The following CPNE5 variants were observed in gnomAD, a reference collection of about 807,000 sequenced individuals.
The protein encoded by CPNE5 is copine 5, also known as copine-5.
A neutral mutation model predicts 81.1 loss-of-function variants in CPNE5; 42 were observed. That is an observed-to-expected ratio of 0.52 (90% CI 0.40 to 0.67). CPNE5 has a LOEUF of 0.67. CPNE5 is among the 30% of genes least tolerant of loss of function. The pLI is 0.00. For synonymous variants in CPNE5, 313 were observed against 321.5 expected (o/e 0.97, Z 0.28); for missense variants, 612 against 815.5 (o/e 0.75, Z 3.04).
Position 36,804,563 on chromosome 6 carries a change from C to T in CPNE5, c.184-4493G>A, listed in dbSNP as rs540780310. On this transcript the variant is annotated intron_variant, in intron 3 of 20. Coordinates refer to ENST00000244751, the MANE Select transcript of CPNE5 (RefSeq NM_020939.2). ...CTTCCTTTCTCTCACTACACTTGCCCTCCTCCTTCAACAACCTCACAGCAT... is the reference window on the plus strand; with the variant it reads ...CTTCCTTTCTCTCACTACACTTGCCTTCCTCCTTCAACAACCTCACAGCAT... Among the ~76,000 whole-genome samples, 3 of 152,256 alleles carry T rather than the reference C, an allele frequency of 2.0e-5. No individual in the cohort carries two copies. In the East Asian group the frequency reaches 5.8e-4, roughly 29 times the overall value.
rs28673271 is a variant in CPNE5 at position 36,823,444 on chromosome 6, C to G, written c.96-346G>C. ...GTCTTAGCCCTTTCTAGAAGCTCTCCTTTAATCACTTCTCTGCTTCTCAAA... is the reference window on the plus strand; with the variant it reads ...GTCTTAGCCCTTTCTAGAAGCTCTCGTTTAATCACTTCTCTGCTTCTCAAA... On this transcript the variant is annotated intron_variant, in intron 1 of 20. Coordinates refer to ENST00000244751, the MANE Select transcript of CPNE5 (RefSeq NM_020939.2). Among the ~76,000 whole-genome samples, 5 of 151,672 alleles carry G rather than the reference C, an allele frequency of 3.3e-5. No homozygotes were observed. In the South Asian group the frequency reaches 8.3e-4, roughly 25 times the overall value.
At chr6:36,776,102 C>T (rs1478199987) in intron 9 of CPNE5, among the ~76,000 whole-genome samples, 2 of 152,190 alleles carry the variant, frequency 1.3e-5, no homozygotes, top group Non-Finnish European at 2.9e-5. Flanking sequence ...CTGCCCATGC[C>T]CCACGCCATG....
intron 2 of CPNE5, 45 bp downstream of exon 2, chr6:36,823,013 C>G: frequency 2.7e-6 from 4 of 1,493,716 alleles, no homozygotes; most frequent in East Asian, 2.5e-5. Flanking sequence ...TTAGTCATAG[C>G]GTTGCCGCTA....
chr6:36,760,767 G>A (rs1765946941), intron 12 of CPNE5, among the ~76,000 whole-genome samples: 1 of 152,208 alleles, frequency 6.6e-6, no homozygotes, highest in Non-Finnish European at 1.5e-5. Flanking sequence ...TGAGCTACAG[G>A]AAGGGCCAGC....
At chr6:36,750,990 G>C (rs1393227399) in intron 14 of CPNE5, among the ~76,000 whole-genome samples, 3 of 152,222 alleles carry the variant, frequency 2.0e-5, no homozygotes, top group Non-Finnish European at 4.4e-5. Flanking sequence ...TGAGCAACCA[G>C]CTCCTCCTCT....
rs1325379952 is a variant in CPNE5 at position 36,785,362 on chromosome 6, AT to A, written c.529-6406del. On this transcript the variant is annotated intron_variant, in intron 8 of 20. Transcript: ENST00000244751. ...GGCTCAAAATTTCGGTCATCAAAAAATTTTTTTTAATGTGACATTTAAAAAA... is the reference window on the plus strand; with the variant it reads ...GGCTCAAAATTTCGGTCATCAAAAAATTTTTTTAATGTGACATTTAAAAAA... 5.9e-5 allele frequency among the ~76,000 whole-genome samples: 9 copies of A among 152,348 alleles called. No individual in the cohort carries two copies. In the South Asian group the frequency reaches 1.2e-3, roughly 21 times the overall value.
chr6:36,796,790 A>G (rs983678899), intron 6 of CPNE5, among the ~76,000 whole-genome samples: 1 of 152,210 alleles, frequency 6.6e-6, no homozygotes, highest in Admixed American at 6.5e-5. Flanking sequence ...CTAGGAACCC[A>G]GAGATGAGAC....
At chr6:36,748,406 C>G in intron 14 of CPNE5, 139 bp from the exon 15 acceptor site, 1 of 742,110 alleles carries the variant, frequency 1.3e-6, no homozygotes, top group Admixed American at 2.0e-5. Flanking sequence ...TCATCTCTTT[C>G]TAGTTCTGGA....
Position 36,746,295 on chromosome 6 carries a change from A to C in CPNE5, c.1200+101T>G. On this transcript the variant is annotated intron_variant, in intron 16 of 20. Coordinates refer to ENST00000244751, the MANE Select transcript of CPNE5 (RefSeq NM_020939.2). The surrounding 1 kb of genome is among the most constrained non-coding windows in gnomAD (Gnocchi z 4.5). Reference sequence around the variant, plus strand: ...TCTACCTCCACTGAGGCTGAGCCTTAAGTCCCCGGGCTCAGAGGAAGGGAA... The same window carrying C: ...TCTACCTCCACTGAGGCTGAGCCTTCAGTCCCCGGGCTCAGAGGAAGGGAA... 2.7e-6 allele frequency: 4 copies of C among 1,464,826 alleles called. No individual in the cohort carries two copies. Among genetic ancestry groups the C allele is most frequent in the Non-Finnish European group, 2.7e-6 (3 of 1,103,864 alleles). 90.7% of individuals were successfully genotyped at this position (1,464,826 alleles called of 1,614,324 possible).
At chr6:36,805,216 G>A (rs1410365894) in intron 3 of CPNE5, among the ~76,000 whole-genome samples, 1 of 152,222 alleles carries the variant, frequency 6.6e-6, no homozygotes, top group Admixed American at 6.5e-5. Context: ...TAGCACCCGA[G>A]CACTGGGAAC....
chr6:36,742,369 G>C lies in CPNE5; in HGVS notation c.1681C>G (p.Gln561Glu). 3 of 1,613,628 alleles carry C rather than the reference G, an allele frequency of 1.9e-6. No homozygotes were observed. The highest frequency in any genetic ancestry group is 2.5e-6 in the Non-Finnish European group (3 of 1,179,984). ...GGTGGGGGACGCGGGCGAATGCCCT[G>C]TGCCTTCATGTAGGACACCAGTTGG... The part of the protein sequence containing the change: ...PDQLVSYMKA[Q>E]GIRPRPPPAA... The change falls in exon 21 of 21, where the codon CAG becomes GAG. Residue 561 changes from glutamine to glutamate, a missense_variant. Transcript: ENST00000244751.
Position 36,794,862 on chromosome 6 carries a change from C to T in CPNE5, c.405-213G>A, listed in dbSNP as rs528120340. 1.2e-4 allele frequency among the ~76,000 whole-genome samples: 19 copies of T among 152,330 alleles called. No individual in the cohort carries two copies. In the East Asian group the frequency reaches 3.3e-3, roughly 26 times the overall value. On this transcript the variant is annotated intron_variant, in intron 6 of 20. Transcript: ENST00000244751. ...TCTCAAGGTGGGATGCCCAGACCAG[C>T]AGCACCAGCATGTCCTGGGAATGTT...
chr6:36,793,928 C>T (rs538927124), intron 7 of CPNE5, among the ~76,000 whole-genome samples: 2 of 152,118 alleles, frequency 1.3e-5, no homozygotes, highest in Non-Finnish European at 2.9e-5. Flanking sequence ...GGCGAGTGGG[C>T]GTGAGAAAGA....
At chr6:36,779,368 C>G (rs781129748) in intron 8 of CPNE5, among the ~76,000 whole-genome samples, 1 of 152,318 alleles carries the variant, frequency 6.6e-6, no homozygotes, top group East Asian at 1.9e-4. Context: ...TGTGAACACA[C>G]GTGGTTTCAT....
rs1329142279 is a variant in CPNE5 at position 36,778,890 on chromosome 6, G to T, written c.596C>A (p.Pro199His). 1 of 1,606,836 alleles carries T rather than the reference G, an allele frequency of 6.2e-7. No homozygotes were observed. The highest frequency in any genetic ancestry group is 8.5e-7 in the Non-Finnish European group (1 of 1,173,838). The stretch of plus-strand genomic sequence containing the variant: ...GTTGCTTCTGTAGAATACCAAGAAG[G>T]GGTCAGATTTCCCAAAGAAATCTTT... ...DKKDFFGKSDPFLVFYRSNED... is the reference protein window; with the variant it reads ...DKKDFFGKSDHFLVFYRSNED... The change falls in exon 9 of 21, where the codon CCC (proline) becomes CAC (histidine). Residue 199 changes from proline (P) to histidine (H), a missense_variant. Physicochemically the swap from Pro to His is moderately conservative, Grantham distance 77. Coordinates refer to ENST00000244751, the MANE Select transcript of CPNE5 (RefSeq NM_020939.2).
At chr6:36,834,254 C>CAAAAAAAAA (rs1157250827) in intron 1 of CPNE5, among the ~76,000 whole-genome samples, 631 of 21,638 alleles carry the variant, frequency 0.029, 86 homozygotes, top group African/African-American at 0.06. Flanking sequence ...GACTGTATCT[C>CAAAAAAAAA]AAAAAAAAAA....
chr6:36,816,254 G>T (rs1366095670), intron 3 of CPNE5, among the ~76,000 whole-genome samples: 1 of 152,204 alleles, frequency 6.6e-6, no homozygotes, highest in African/African-American at 2.4e-5. Context: ...CATGCAGAAG[G>T]CCCTGGCAGG....
intron 13 of CPNE5, among the ~76,000 whole-genome samples, chr6:36,753,446 G>A (rs553097077): frequency 2.7e-4 from 41 of 152,360 alleles, no homozygotes; most frequent in African/African-American, 9.1e-4. Context: ...TTTCCTCTAA[G>A]TGGGCACTGG....
At chr6:36,785,578 C>A (rs577704262) in intron 8 of CPNE5, among the ~76,000 whole-genome samples, 11 of 152,206 alleles carry the variant, frequency 7.2e-5, no homozygotes, top group African/African-American at 2.4e-4. Context: ...CCCTAAGAAG[C>A]ACTTTTAAAG....
Sources: allele counts gnomAD v4.1 joint callset (sites outside exome capture counted in the v4.1 genomes callset), GRCh38; gene constraint gnomAD v4.1.1; non-coding constraint Gnocchi (gnomAD v3.1); transcripts MANE v1.5; gene names NCBI Gene and HGNC (gene_info 2026-07-23, HGNC 2026-07-21).